Variants in MUC3A observed in about 807,000 individuals in gnomAD.
The protein encoded by MUC3A is mucin 3A, cell surface associated, also known as mucin-3A.
A neutral mutation model predicts 109.0 loss-of-function variants in MUC3A; 109 were observed. That is an observed-to-expected ratio of 1.00 (90% CI 0.86 to 1.17). The LOEUF is 1.17. MUC3A is among the 50% of genes most tolerant of loss of function. The probability of loss-of-function intolerance (pLI) is 0.00; values close to 1 mark genes in which losing one functional copy is unlikely to be tolerated. For missense variants in MUC3A, 3,537 were observed against 2,469.4 expected (o/e 1.43, Z -9.16); for synonymous variants, 1,398 against 981.4 (o/e 1.42, Z -7.93).
intron 8 of MUC3A, 92 bp downstream of exon 8, chr7:100,965,958 C>A: frequency 1.4e-6 from 2 of 1,475,400 alleles, no homozygotes; most frequent in South Asian, 1.4e-5. Flanking sequence ...GCTCCGCGCC[C>A]TGGGCCTACA....
chr7:100,967,206 C>T lies in MUC3A; in HGVS notation c.*44C>T. On this transcript the variant is annotated 3_prime_UTR_variant, in exon 12 of 12. Transcript: ENST00000379458. Reference sequence around the variant, plus strand: ...ACCACCCCCTCCGCCCTGCCCCGGACACAAGGGTCTGCATTGCGTCCATTT... The same window carrying T: ...ACCACCCCCTCCGCCCTGCCCCGGATACAAGGGTCTGCATTGCGTCCATTT... The T allele has an allele frequency of 6.3e-7, 1 of 1,598,018 alleles. No homozygotes were observed. Among genetic ancestry groups the T allele is most frequent in the South Asian group, 1.1e-5 (1 of 90,974 alleles).
chr7:100,959,903 T>C lies in MUC3A; in HGVS notation c.8124T>C (p.His2708=). The C allele has an allele frequency of 1.3e-6, 2 of 1,529,022 alleles. No homozygotes were observed. Among genetic ancestry groups the C allele is most frequent in the Middle Eastern group, 1.8e-4 (1 of 5,706 alleles). The allele number at this position is 1,529,022 out of a possible 1,614,324, so 94.7% of individuals were successfully genotyped here. A position where few individuals can be genotyped will look rare whatever the true frequency, so the allele number is the denominator to read the frequency against. Reference sequence around the variant, plus strand: ...CTCCAGTGTTTTCCACTACCATTCATTCTGTTCCTTCTTCACCATACATTT... The same window carrying C: ...CTCCAGTGTTTTCCACTACCATTCACTCTGTTCCTTCTTCACCATACATTT... ...SITPVFSTTI[H]SVPSSPYIFS... The change falls in exon 2 of 12, where the codon CAT becomes CAC. Residue 2708 remains histidine, a synonymous_variant. Coordinates refer to ENST00000379458, the MANE Select transcript of MUC3A (RefSeq NM_005960.2).
At chr7:100,965,473 C>G (rs77518728) in intron 7 of MUC3A, 126 bp downstream of exon 7, 64 of 1,485,890 alleles carry the variant, frequency 4.3e-5, no homozygotes, top group Non-Finnish European at 5.8e-5. Flanking sequence ...TGGCCCAGGG[C>G]GGCCCTTCCT....
Position 100,965,359 on chromosome 7 carries a change from G to A in MUC3A, c.9448+12G>A, listed in dbSNP as rs1171856581. ...GCTGACCCCGGCAGGTAAGGGTGGG[G>A]TAAAGGGCTGAGTGGTCTCCCGCGG... On this transcript the variant is annotated intron_variant, in intron 7 of 11. Coordinates refer to ENST00000379458, the MANE Select transcript of MUC3A (RefSeq NM_005960.2). 1.3e-6 allele frequency: 2 copies of A among 1,596,652 alleles called. No homozygotes were observed. Among genetic ancestry groups the A allele is most frequent in the Admixed American group, 1.7e-5 (1 of 59,566 alleles).
rs1441135498 is a variant in MUC3A, at chr7:100,965,687, C to T, written c.9449-17C>T. 5.6e-6 allele frequency: 9 copies of T among 1,593,244 alleles called. No individual in the cohort carries two copies. In the South Asian group the frequency reaches 8.9e-5, roughly 16 times the overall value. On this transcript the variant is annotated splice_polypyrimidine_tract_variant and intron_variant, in intron 7 of 11. Coordinates refer to ENST00000379458, the MANE Select transcript of MUC3A (RefSeq NM_005960.2). Reference sequence around the variant, plus strand: ...ATGAGGTCCTTGTCTCTGTGCATCCCCCTCCCCAACCCCCAGCCATCTGCC... The same window carrying T: ...ATGAGGTCCTTGTCTCTGTGCATCCTCCTCCCCAACCCCCAGCCATCTGCC...
At chr7:100,963,125 A>T in intron 3 of MUC3A, 26 bp from the exon 4 acceptor site, 1 of 1,594,696 alleles carries the variant, frequency 6.3e-7, no homozygotes, top group South Asian at 1.1e-5. Flanking sequence ...CAGAGAAGTG[A>T]CTGGGGACAT....
chr7:100,957,155 A>G lies in MUC3A; in HGVS notation c.5376A>G (p.Ser1792=), dbSNP rs1792118712. 2 of 455,142 alleles carry G rather than the reference A, an allele frequency of 4.4e-6. No individual in the cohort carries two copies. Among genetic ancestry groups the G allele is most frequent in the Non-Finnish European group, 7.7e-6 (2 of 260,600 alleles). 28.2% of individuals were successfully genotyped at this position (455,142 alleles called of 1,614,324 possible). A position where few individuals can be genotyped will look rare whatever the true frequency, so the allele number is the denominator to read the frequency against. Residue 1792 remains serine (S), a synonymous_variant, in exon 2 of 12, where the codon TCA becomes TCG. Coordinates refer to ENST00000379458, the MANE Select transcript of MUC3A (RefSeq NM_005960.2). The part of the protein sequence containing the change: ...LGPTATNTLP[S]FTSSVSSSTP... Reference sequence around the variant, plus strand: ...CCACAGCCACTAATACGTTACCATCATTTACCAGTAGCGTTTCATCTTCTA... The same window carrying G: ...CCACAGCCACTAATACGTTACCATCGTTTACCAGTAGCGTTTCATCTTCTA...
intron 8 of MUC3A, 55 bp from the exon 9 acceptor site, chr7:100,966,331 C>G: frequency 1.6e-6 from 2 of 1,278,460 alleles, no homozygotes; most frequent in African/African-American, 1.5e-5. Context: ...CCCAGGTGCA[C>G]GGGTGGACCC....
chr7:100,964,701 C>A lies in MUC3A; in HGVS notation c.9240C>A (p.Gly3080=). ...KGVEILSLRN[G]SIVVDYLVLL... ...AAGGCTGTGGACCCCTCAGGAATGGCAGCATCGTGGTGGACTACCTGGTCC... is the reference window on the plus strand; with the variant it reads ...AAGGCTGTGGACCCCTCAGGAATGGAAGCATCGTGGTGGACTACCTGGTCC... The change falls in exon 6 of 12, where the codon GGC becomes GGA. Residue 3080 remains glycine (G), a synonymous_variant. Transcript: ENST00000379458. The A allele has an allele frequency of 6.3e-7, 1 of 1,598,096 alleles. No homozygotes were observed. Among genetic ancestry groups the A allele is most frequent in the South Asian group, 1.1e-5 (1 of 91,024 alleles).
chr7:100,950,038 T>C (rs982485336), intron 1 of MUC3A, among the ~76,000 whole-genome samples: 2 of 152,258 alleles, frequency 1.3e-5, no homozygotes, highest in African/African-American at 4.8e-5. Context: ...GTGCCCTTCC[T>C]GTCTTGACTC....
In MUC3A at chr7:100,956,836, T is replaced by C. The variant is rs1584802417; in HGVS notation, c.5057T>C (p.Ile1686Thr). 5 of 392,592 alleles carry C rather than the reference T, an allele frequency of 1.3e-5. No homozygotes were observed. In the East Asian group the frequency reaches 1.8e-4, roughly 14 times the overall value. The allele number at this position is 392,592 out of a possible 1,614,324, so 24.3% of individuals were successfully genotyped here. The change falls in exon 2 of 12, where the codon ATC becomes ACC. Residue 1686 changes from isoleucine to threonine, a missense_variant. Physicochemically the swap from Ile to Thr is moderately conservative, Grantham distance 89. Transcript: ENST00000379458. ...HTQSISSPPA[I>T]TSTLHTTAES... Reference sequence around the variant, plus strand: ...CAGAGTATCTCCTCACCCCCAGCCATCACCAGTACACTCCACACAACAGCT... The same window carrying C: ...CAGAGTATCTCCTCACCCCCAGCCACCACCAGTACACTCCACACAACAGCT...
intron 5 of MUC3A, 90 bp downstream of exon 5, chr7:100,963,842 A>G: frequency 6.4e-7 from 1 of 1,561,752 alleles, no homozygotes; most frequent in Non-Finnish European, 8.7e-7. Context: ...TGTAATCATC[A>G]GATTTTATAA....
In MUC3A at chr7:100,960,326, C is replaced by G; in HGVS notation, c.8547C>G (p.Ser2849=). ...GCATCTCACCCAATGCTTCCAGTTC[C>G]ACTGGCACTGGGACTGTACCCACAA... The part of the protein sequence containing the change: ...ESSISPNASS[S]TGTGTVPTNT... The change falls in exon 2 of 12, where the codon TCC becomes TCG. Residue 2849 remains serine, a synonymous_variant. Transcript: ENST00000379458. 6.3e-7 allele frequency: 1 copy of G among 1,598,554 alleles called. No individual in the cohort carries two copies. Among genetic ancestry groups the G allele is most frequent in the Non-Finnish European group, 8.5e-7 (1 of 1,179,828 alleles).
rs1258197144 is a variant in MUC3A, at chr7:100,960,302, C to T, written c.8523C>T (p.Ser2841=). 1.2e-5 allele frequency: 19 copies of T among 1,598,390 alleles called. No individual in the cohort carries two copies. The highest frequency in any genetic ancestry group is 1.6e-5 in the Non-Finnish European group (19 of 1,179,792). ...TSSMMPESES[S]ISPNASSSTG... The stretch of plus-strand genomic sequence containing the variant: ...CCATGATGCCAGAAAGTGAGTCCAG[C>T]ATCTCACCCAATGCTTCCAGTTCCA... The change falls in exon 2 of 12, where the codon AGC becomes AGT. Residue 2841 remains serine, a synonymous_variant. Coordinates refer to ENST00000379458, the MANE Select transcript of MUC3A (RefSeq NM_005960.2).
chr7:100,959,003 C>A lies in MUC3A; in HGVS notation c.7224C>A (p.Gly2408=). 2 of 1,496,310 alleles carry A rather than the reference C, an allele frequency of 1.3e-6. No individual in the cohort carries two copies. Among genetic ancestry groups the A allele is most frequent in the East Asian group, 2.4e-5 (1 of 41,116 alleles). The allele number at this position is 1,496,310 out of a possible 1,614,324, so 92.7% of individuals were successfully genotyped here. Residue 2408 remains glycine (G), a synonymous_variant, in exon 2 of 12, where the codon GGC becomes GGA. Transcript: ENST00000379458. ...AGACCACCTCACACATTACTCCTGG[C>A]CTCACTTCTTCAATCACCACCACTG... The part of the protein sequence containing the change: ...TTKTTSHITP[G]LTSSITTTET...
Position 100,966,914 on chromosome 7 carries a change from T to A in MUC3A, c.9893T>A (p.Phe3298Tyr), listed in dbSNP as rs780113135. The change falls in exon 11 of 12, where the codon TTC (phenylalanine) becomes TAC (tyrosine). Residue 3298 changes from phenylalanine (F) to tyrosine (Y), a missense_variant. Physicochemically the swap from Phe to Tyr is conservative, Grantham distance 22. Transcript: ENST00000379458. ...EDDGTDKDTN[F>Y]YVALENVDTT... ...CTCTCTCTAGACAAGGATACAAATT[T>A]CTATGTGGCCTTGGAGAACGTGGAC... The A allele has an allele frequency of 6.3e-7, 1 of 1,598,430 alleles. No individual in the cohort carries two copies. Among genetic ancestry groups the A allele is most frequent in the Non-Finnish European group, 8.5e-7 (1 of 1,179,832 alleles).
rs902364572 is a variant in MUC3A, at chr7:100,951,990, A to G, written c.211A>G (p.Arg71Gly). 5.0e-6 allele frequency: 8 copies of G among 1,598,550 alleles called. No individual in the cohort carries two copies. In the African/African-American group the frequency reaches 5.3e-5, roughly 11 times the overall value. The change falls in exon 2 of 12, where the codon AGG becomes GGG. Residue 71 changes from arginine (R) to glycine (G), a missense_variant. Transcript: ENST00000379458. ...PQLASPAPGH[R>G]ENAPMTLTTS... is the part of the protein sequence containing the mutation. The stretch of plus-strand genomic sequence containing the variant: ...GCTCGCCTCTCCTGCTCCTGGCCAC[A>G]GGGAAAATGCACCTATGACACTCAC...
chr7:100,957,923 C>A lies in MUC3A; in HGVS notation c.6144C>A (p.Thr2048=). The stretch of plus-strand genomic sequence containing the variant: ...CTCCCAGCTTCACTTCTTCGATCAC[C>A]ACCGAGACCACATCCCACAGTACTC... ...HSTPSFTSSI[T]TETTSHSTPS... is the part of the protein sequence containing the mutation. The change falls in exon 2 of 12, where the codon ACC becomes ACA. Residue 2048 remains threonine, a synonymous_variant. Coordinates refer to ENST00000379458, the MANE Select transcript of MUC3A (RefSeq NM_005960.2). The A allele has an allele frequency of 1.5e-6, 1 of 662,034 alleles. No individual in the cohort carries two copies. The highest frequency in any genetic ancestry group is 2.6e-6 in the Non-Finnish European group (1 of 383,972). 41.0% of individuals were successfully genotyped at this position (662,034 alleles called of 1,614,324 possible).
chr7:100,963,887 C>T (rs1488461588), intron 5 of MUC3A, 135 bp downstream of exon 5: 1 of 1,283,610 alleles, frequency 7.8e-7, no homozygotes, highest in Non-Finnish European at 1.1e-6. Flanking sequence ...GAATCACTCC[C>T]TGGGTATTTT....
Sources: allele counts gnomAD v4.1 joint callset (sites outside exome capture counted in the v4.1 genomes callset), GRCh38; gene constraint gnomAD v4.1.1; transcripts MANE v1.5; gene names NCBI Gene and HGNC (gene_info 2026-07-23, HGNC 2026-07-21).